SPATS1: variants seen among roughly 807,000 people sequenced by gnomAD.
SPATS1 encodes spermatogenesis associated serine rich 1.
A neutral mutation model predicts 33.6 loss-of-function variants in SPATS1; 23 were observed. The ratio of observed to expected loss-of-function variants is 0.68; its 90% confidence interval spans 0.49 to 0.97. SPATS1 has a LOEUF of 0.97. SPATS1 is among the 50% of genes least tolerant of loss of function. The pLI is 0.00. For synonymous variants in SPATS1, 131 were observed against 125.6 expected, an observed-to-expected ratio of 1.04 and a Z score of -0.29; for missense variants, 327 against 361.0, an observed-to-expected ratio of 0.91 and a Z score of 0.76.
chr6:44,361,390 C>T (rs939713667), intron 4 of SPATS1: 4 of 985,412 alleles, frequency 4.1e-6, no homozygotes, highest in Non-Finnish European at 4.8e-6. Context: ...GCTATTGTTG[C>T]AGCCAACACC....
At chr6:44,348,058 G>T (rs1170937233) in intron 2 of SPATS1, among the ~76,000 whole-genome samples, 2 of 150,850 alleles carry the variant, frequency 1.3e-5, no homozygotes, top group East Asian at 3.9e-4. Flanking sequence ...TCAGGCTGTA[G>T]TGCAGTGTGG....
chr6:44,365,367 C>G (rs574969974), intron 5 of SPATS1, among the ~76,000 whole-genome samples: 1 of 152,298 alleles, frequency 6.6e-6, no homozygotes, highest in East Asian at 1.9e-4. Flanking sequence ...TCCCACAGTA[C>G]AGCATATTGT....
chr6:44,363,071 AG>A (rs1789021075), intron 5 of SPATS1, among the ~76,000 whole-genome samples: 1 of 151,960 alleles, frequency 6.6e-6, no homozygotes, highest in East Asian at 1.9e-4. Context: ...TCCGGACCTC[AG>A]GTGATTCGCC....
intron 7 of SPATS1, among the ~76,000 whole-genome samples, chr6:44,370,500 C>A (rs1789538131): frequency 6.6e-6 from 1 of 152,298 alleles, no homozygotes; most frequent in Middle Eastern, 3.4e-3. Context: ...AGAAAGAAAG[C>A]TAACAGAGCA....
Position 44,370,121 on chromosome 6 carries a change from C to T in SPATS1, c.758+8C>T. 1 of 1,607,148 alleles carries T rather than the reference C, an allele frequency of 6.2e-7. No homozygotes were observed. Among genetic ancestry groups the T allele is most frequent in the Non-Finnish European group, 8.5e-7 (1 of 1,174,660 alleles). On this transcript the variant is annotated splice_region_variant and intron_variant, in intron 7 of 8. Transcript: ENST00000674044. ...TCTTCCACAAATTCCCAAGTGAGTT[C>T]TCTTGTCATGTTTTGTGTTATCCCA...
chr6:44,344,699 C>CT (rs1554151700), intron 2 of SPATS1, among the ~76,000 whole-genome samples: 13 of 50,916 alleles, frequency 2.6e-4, no homozygotes, highest in African/African-American at 4.6e-4. Context: ...TTATTCCTGC[C>CT]TAAAAAAATG....
At chr6:44,347,623 A>T (rs1431532776) in intron 2 of SPATS1, among the ~76,000 whole-genome samples, 1 of 152,162 alleles carries the variant, frequency 6.6e-6, no homozygotes, top group Non-Finnish European at 1.5e-5. Context: ...CAATTTTTAC[A>T]TTCAAATCTG....
chr6:44,372,549 G>A (rs1318903195), intron 7 of SPATS1, among the ~76,000 whole-genome samples: 1 of 151,794 alleles, frequency 6.6e-6, no homozygotes, highest in East Asian at 1.9e-4. Context: ...TGCAACCTCC[G>A]CCCCTAGGTT....
Position 44,379,121 on chromosome 6 carries a change from T to TA in SPATS1, c.*2068dup, listed in dbSNP as rs913405513. ...CTAGTCAAAAACAATGCCCCACCCC[T>TA]AAAAAAAAAAGTCAACTGCAACCAC... On this transcript the variant is annotated 3_prime_UTR_variant, in exon 9 of 9. Coordinates refer to ENST00000674044, the MANE Select transcript of SPATS1 (RefSeq NM_001372081.1). 2.5e-4 allele frequency among the ~76,000 whole-genome samples: 37 copies of TA among 145,286 alleles called. No individual in the cohort carries two copies. Among genetic ancestry groups the TA allele is most frequent in the African/African-American group, 7.3e-4 (29 of 39,660 alleles).
intron 2 of SPATS1, among the ~76,000 whole-genome samples, chr6:44,351,533 T>C (rs1037855046): frequency 6.6e-6 from 1 of 152,272 alleles, no homozygotes; most frequent in Non-Finnish European, 1.5e-5. Context: ...TGCCATCTAT[T>C]GAGCTTTAGT....
chr6:44,375,733 C>T (rs1183101153), intron 7 of SPATS1, among the ~76,000 whole-genome samples: 1 of 151,760 alleles, frequency 6.6e-6, no homozygotes, highest in Non-Finnish European at 1.5e-5. Flanking sequence ...TCACCTGAAC[C>T]CGGGAGGCGG....
rs1461418165 is a variant in SPATS1 at position 44,342,707 on chromosome 6, T to TCGGTTCTCAGGCCTCGG, written c.-59_-43dup. On this transcript the variant is annotated 5_prime_UTR_variant, in exon 1 of 9. Transcript: ENST00000674044. ...GCGGTGTCCCTTTTGCCCTAGGCTC[T>TCGGTTCTCAGGCCTCGG]CGGTTCTCAGGCCTCGGCGTGCGGC... 7 of 459,852 alleles carry TCGGTTCTCAGGCCTCGG rather than the reference T, an allele frequency of 1.5e-5. No individual in the cohort carries two copies. The highest frequency in any genetic ancestry group is 4.7e-5 in the Admixed American group (2 of 42,636). The allele number at this position is 459,852 out of a possible 1,614,324, so 28.5% of individuals were successfully genotyped here.
chr6:44,374,097 T>A (rs552287901), intron 7 of SPATS1, among the ~76,000 whole-genome samples: 1 of 152,356 alleles, frequency 6.6e-6, no homozygotes, highest in Non-Finnish European at 1.5e-5. Flanking sequence ...TTGCAGTTAA[T>A]GTATCTTCCA....
intron 6 of SPATS1, among the ~76,000 whole-genome samples, chr6:44,369,760 T>A (rs1404594434): frequency 6.6e-6 from 1 of 151,836 alleles, no homozygotes; most frequent in South Asian, 2.1e-4. Context: ...TAATCCCAGC[T>A]ACTTGGGAGG....
intron 5 of SPATS1, among the ~76,000 whole-genome samples, chr6:44,362,924 C>T (rs1006577501): frequency 7.3e-5 from 11 of 151,618 alleles, no homozygotes; most frequent in African/African-American, 1.7e-4. Context: ...CAGCAACCTC[C>T]GCCTCCCGGG....
intron 3 of SPATS1, among the ~76,000 whole-genome samples, chr6:44,354,037 C>CAAAAAAAAAAAAA (rs34531075): frequency 2.0e-5 from 2 of 99,098 alleles, no homozygotes; most frequent in African/African-American, 4.1e-5. Flanking sequence ...GACTTCGCCT[C>CAAAAAAAAAAAAA]AAAAAAAAAA....
Position 44,377,581 on chromosome 6 carries a change from T to G in SPATS1, c.*518T>G, listed in dbSNP as rs1009442032. 1.2e-4 allele frequency: 20 copies of G among 167,084 alleles called. No individual in the cohort carries two copies. The highest frequency in any genetic ancestry group is 4.6e-4 in the African/African-American group (19 of 41,600). The allele number at this position is 167,084 out of a possible 1,614,324, so 10.4% of individuals were successfully genotyped here. ...TCAATCATAAAATACAGACATGATG[T>G]GAGTGTCTTAGCCTGTTCAGGCTGC... On this transcript the variant is annotated 3_prime_UTR_variant, in exon 9 of 9. Transcript: ENST00000674044.
chr6:44,345,951 G>A (rs944842381), intron 2 of SPATS1, among the ~76,000 whole-genome samples: 5 of 152,062 alleles, frequency 3.3e-5, no homozygotes, highest in Admixed American at 6.5e-5. Context: ...GTTTGCAAAC[G>A]GATAACAAAT....
chr6:44,375,556 T>A (rs1322980754), intron 7 of SPATS1, among the ~76,000 whole-genome samples: 1 of 152,226 alleles, frequency 6.6e-6, no homozygotes, highest in East Asian at 1.9e-4. Context: ...ATGCCTGTAA[T>A]CTCAGCACTT....
Sources: allele counts gnomAD v4.1 joint callset (sites outside exome capture counted in the v4.1 genomes callset), GRCh38; gene constraint gnomAD v4.1.1; transcripts MANE v1.5; gene names NCBI Gene and HGNC (gene_info 2026-07-23, HGNC 2026-07-21).